SATB2: variants seen among roughly 807,000 people sequenced by gnomAD.
SATB2 encodes DNA-binding protein SATB2.
In SATB2, 1 loss-of-function variant was observed where a neutral mutation model predicts 73.4. The ratio of observed to expected loss-of-function variants is 0.01; its 90% CI spans 0.00 to 0.06. The LOEUF is 0.06. Among genes scored for constraint, SATB2 ranks in the 10% least tolerant of loss-of-function variants. SATB2 has a pLI of 1.00. For missense variants in SATB2, 459 were observed against 945.8 expected, an observed-to-expected ratio of 0.49 and a Z score of 6.75; for synonymous variants, 397 against 367.0, an observed-to-expected ratio of 1.08 and a Z score of -0.93.
intron 3 of SATB2, among the ~76,000 whole-genome samples, chr2:199,422,207 A>G (rs555399092): frequency 6.6e-6 from 1 of 152,244 alleles, no homozygotes; most frequent in East Asian, 1.9e-4. Flanking sequence ...GCATAGAACT[A>G]TAACCAAAGG....
At chr2:199,333,304 A>G (rs1688242173) in intron 7 of SATB2, among the ~76,000 whole-genome samples, 1 of 152,154 alleles carries the variant, frequency 6.6e-6, no homozygotes, top group Non-Finnish European at 1.5e-5. Context: ...TTATAGCAGC[A>G]CAATGTAAAA....
intron 6 of SATB2, among the ~76,000 whole-genome samples, chr2:199,368,063 G>C (rs956729764): frequency 6.6e-6 from 1 of 152,038 alleles, no homozygotes; most frequent in Non-Finnish European, 1.5e-5. Context: ...TAAGTACTTT[G>C]ATGATTTCCC....
Position 199,390,032 on chromosome 2 carries a change from T to C in SATB2, c.347-8212A>G, listed in dbSNP as rs569426448. ...TGTTATGTTACAACCCTGACTTTTA[T>C]TAGATTATTTAATATAAGCACTAAG... On this transcript the variant is annotated intron_variant, in intron 3 of 10. Coordinates refer to ENST00000417098, the MANE Select transcript of SATB2 (RefSeq NM_001172509.2). Among the ~76,000 whole-genome samples the C allele has an allele frequency of 1.2e-4, 18 of 152,208 alleles. No individual in the cohort carries two copies. The South Asian group carries it at 3.7e-3, about 32-fold the overall frequency.
intron 10 of SATB2, among the ~76,000 whole-genome samples, chr2:199,283,996 G>T (rs546667521): frequency 6.6e-6 from 1 of 152,146 alleles, no homozygotes; most frequent in South Asian, 2.1e-4. Flanking sequence ...GACAAACTAT[G>T]GTTATTCGGA....
At chr2:199,303,893 C>T (rs1181507063) in intron 10 of SATB2, among the ~76,000 whole-genome samples, 1 of 152,170 alleles carries the variant, frequency 6.6e-6, no homozygotes, top group African/African-American at 2.4e-5. Context: ...CAGGAAACCA[C>T]ACAGCAGCAA....
chr2:199,292,452 C>T (rs1692896858), intron 10 of SATB2, among the ~76,000 whole-genome samples: 1 of 152,148 alleles, frequency 6.6e-6, no homozygotes, highest in Non-Finnish European at 1.5e-5. Flanking sequence ...ATGCAAATTC[C>T]CCAACCCTGA....
chr2:199,303,569 G>C (rs1371255472), intron 10 of SATB2, among the ~76,000 whole-genome samples: 2 of 151,984 alleles, frequency 1.3e-5, no homozygotes, highest in Admixed American at 6.6e-5. Flanking sequence ...TGTTTTGGGG[G>C]GTTGCCCTGT....
In SATB2 at chr2:199,301,171, T is replaced by C. The variant is rs147389660; in HGVS notation, c.1740+7589A>G. 2.1e-4 allele frequency among the ~76,000 whole-genome samples: 32 copies of C among 152,138 alleles called. No homozygotes were observed. In the East Asian group the frequency reaches 5.2e-3, roughly 25 times the overall value. ...ACTACATGATAAATGTTAGAAAAGC[T>C]GCAATAGAATAAAAAGGTAGAATAC... On this transcript the variant is annotated intron_variant, in intron 10 of 10. Transcript: ENST00000417098.
At chr2:199,432,325 TC>T (rs1288922034) in intron 3 of SATB2, among the ~76,000 whole-genome samples, 2 of 152,224 alleles carry the variant, frequency 1.3e-5, no homozygotes, top group Non-Finnish European at 2.9e-5. Context: ...GGAATTTAAA[TC>T]CCTTGGTCAC....
intron 2 of SATB2, among the ~76,000 whole-genome samples, chr2:199,448,508 GA>G (rs1338221139): frequency 2.0e-5 from 3 of 152,144 alleles, no homozygotes; most frequent in African/African-American, 4.8e-5. Flanking sequence ...GAAAGAAAAA[GA>G]TATATGTGGT....
rs1687492179 is a variant in SATB2, at chr2:199,308,285, G to C, written c.1740+475C>G. Among the ~76,000 whole-genome samples the C allele has an allele frequency of 6.6e-6, 1 of 152,102 alleles. No homozygotes were observed. Among genetic ancestry groups the C allele is most frequent in the South Asian group, 2.1e-4 (1 of 4,816 alleles). On this transcript the variant is annotated intron_variant, in intron 10 of 10. Transcript: ENST00000417098. The surrounding 1 kb of genome is among the most constrained non-coding windows in gnomAD (Gnocchi z 4.6). Reference sequence around the variant, plus strand: ...GAATCTGTCACAATCTGTCTCTCAAGGTTCAGCTGAGTTCAATGGTATTCC... The same window carrying C: ...GAATCTGTCACAATCTGTCTCTCAACGTTCAGCTGAGTTCAATGGTATTCC...
chr2:199,294,336 T>C (rs1463258634), intron 10 of SATB2, among the ~76,000 whole-genome samples: 2 of 152,192 alleles, frequency 1.3e-5, no homozygotes, highest in Admixed American at 1.3e-4. Flanking sequence ...TTCAACAAAA[T>C]GACAAGAAAA....
intron 2 of SATB2, among the ~76,000 whole-genome samples, chr2:199,448,242 C>G (rs1356068029): frequency 1.3e-5 from 2 of 151,884 alleles, no homozygotes; most frequent in African/African-American, 4.8e-5. Context: ...ATAATTGAAA[C>G]AAATGCAATA....
chr2:199,429,106 T>G (rs1691424025), intron 3 of SATB2, among the ~76,000 whole-genome samples: 1 of 152,142 alleles, frequency 6.6e-6, no homozygotes, highest in South Asian at 2.1e-4. Flanking sequence ...TATTGATTCT[T>G]TTTTTAATCT....
upstream of SATB2, among the ~76,000 whole-genome samples, chr2:199,466,955 G>A (rs774130566): frequency 6.6e-6 from 1 of 152,260 alleles, no homozygotes. Context: ...TATGCGCCGT[G>A]AACTCTTTGG....
At chr2:199,373,729 A>C (rs1206418746) in intron 5 of SATB2, among the ~76,000 whole-genome samples, 1 of 152,190 alleles carries the variant, frequency 6.6e-6, no homozygotes, top group African/African-American at 2.4e-5. Flanking sequence ...TGGTCACTGC[A>C]ATCCCTTGGT....
At chr2:199,306,102 A>C (rs1346093532) in intron 10 of SATB2, among the ~76,000 whole-genome samples, 1 of 152,164 alleles carries the variant, frequency 6.6e-6, no homozygotes, top group Admixed American at 6.5e-5. Context: ...GGCCCAAGTG[A>C]ATTCCAACCC....
chr2:199,435,647 A>G (rs1001690665), intron 2 of SATB2, among the ~76,000 whole-genome samples: 1 of 152,148 alleles, frequency 6.6e-6, no homozygotes, highest in African/African-American at 2.4e-5. Flanking sequence ...CCTGGCCCCA[A>G]ATTATCTTTG....
chr2:199,339,785 A>G (rs16831346), intron 7 of SATB2, among the ~76,000 whole-genome samples: 5,062 of 152,284 alleles, frequency 0.033, 302 homozygotes, highest in African/African-American at 0.11. Context: ...AATTGTGCCA[A>G]CCTTTGGCTA....
Sources: gnomAD v4.1 joint callset for allele counts (sites outside exome capture counted in the v4.1 genomes callset) on GRCh38, gnomAD v4.1.1 for gene constraint, Gnocchi (gnomAD v3.1) non-coding constraint, MANE v1.5 for transcripts, NCBI Gene and HGNC (gene_info 2026-07-23, HGNC 2026-07-21) for gene names.